Variants in KCNU1 observed in about 807,000 individuals in gnomAD.
KCNU1 encodes potassium channel subfamily U member 1.
Under a neutral mutation model 126.8 loss-of-function variants are expected in KCNU1, and 93 were observed. The observed-to-expected ratio is 0.73, with a 90% CI of 0.62 to 0.87. The LOEUF is 0.87. Among genes scored for constraint, KCNU1 ranks in the 40% least tolerant of loss-of-function variants. The pLI is 0.00. For synonymous variants in KCNU1, 523 were observed against 494.2 expected (o/e 1.06, Z -0.77); for missense variants, 1,330 against 1,367.1 (o/e 0.97, Z 0.43).
intron 22 of KCNU1, among the ~76,000 whole-genome samples, chr8:36,917,376 A>T: frequency 6.8e-6 from 1 of 146,484 alleles, no homozygotes; most frequent in Non-Finnish European, 1.5e-5. Flanking sequence ...TTAAGCTAGG[A>T]TCTCGGTCTG....
Position 36,830,760 on chromosome 8 carries a change from T to A in KCNU1, c.1107-2794T>A, listed in dbSNP as rs555274713. ...AGAGATTTTTTTCTTTTTTTTAATT[T>A]ATTTATTATTATTATACTTTAAGTT... On this transcript the variant is annotated intron_variant, in intron 10 of 26. Transcript: ENST00000399881. 1.6e-4 allele frequency among the ~76,000 whole-genome samples: 24 copies of A among 150,430 alleles called. No homozygotes were observed. In the South Asian group the frequency reaches 4.2e-3, roughly 26 times the overall value.
intron 9 of KCNU1, 66 bp from the exon 10 acceptor site, chr8:36,817,584 C>A: frequency 1.4e-6 from 1 of 724,302 alleles, no homozygotes; most frequent in Non-Finnish European, 2.5e-6. Context: ...TTATTTATCT[C>A]TAAATGCTGA....
intron 10 of KCNU1, among the ~76,000 whole-genome samples, chr8:36,826,409 C>T (rs1260584327): frequency 6.6e-6 from 1 of 151,928 alleles, no homozygotes; most frequent in Non-Finnish European, 1.5e-5. Flanking sequence ...GGGGTTTCAC[C>T]ATGTTGGCCA....
In KCNU1 at chr8:36,918,677, G is replaced by T; in HGVS notation, c.2522-146G>T. 4.8e-6 allele frequency: 3 copies of T among 624,692 alleles called. No individual in the cohort carries two copies. The South Asian group carries it at 5.8e-5, about 12-fold the overall frequency. 38.7% of individuals were successfully genotyped at this position (624,692 alleles called of 1,614,324 possible). On this transcript the variant is annotated intron_variant, in intron 22 of 26. Coordinates refer to ENST00000399881, the MANE Select transcript of KCNU1 (RefSeq NM_001031836.3). ...GAGGAGACCCACATAACAATTTTTT[G>T]TCTAAACATAGTAAAGGATTTGGGA...
At chr8:36,801,302 T>C (rs1185688914) in intron 2 of KCNU1, among the ~76,000 whole-genome samples, 1 of 152,210 alleles carries the variant, frequency 6.6e-6, no homozygotes, top group African/African-American at 2.4e-5. Context: ...ATCTTTCCTC[T>C]CGTTAGTGTC....
At chr8:36,846,181 A>G (rs1412674947) in intron 18 of KCNU1, among the ~76,000 whole-genome samples, 1 of 152,200 alleles carries the variant, frequency 6.6e-6, no homozygotes, top group Non-Finnish European at 1.5e-5. Flanking sequence ...GGCATCACCA[A>G]ACTCAATCCC....
chr8:36,931,392 C>A (rs574743157), intron 25 of KCNU1, among the ~76,000 whole-genome samples: 2 of 152,158 alleles, frequency 1.3e-5, no homozygotes, highest in Non-Finnish European at 2.9e-5. Context: ...TTATCCCCAT[C>A]TTCTAGATAA....
At chr8:36,850,755 C>A (rs1188562277) in intron 18 of KCNU1, among the ~76,000 whole-genome samples, 1 of 152,212 alleles carries the variant, frequency 6.6e-6, no homozygotes, top group African/African-American at 2.4e-5. Flanking sequence ...ATGTGCCCAG[C>A]CTCTATGATC....
At chr8:36,929,640 C>A (rs1405927314) in intron 24 of KCNU1, among the ~76,000 whole-genome samples, 1 of 151,984 alleles carries the variant, frequency 6.6e-6, no homozygotes, top group Admixed American at 6.6e-5. Flanking sequence ...GCTGATGAAC[C>A]AGAGTTTCAG....
In KCNU1 at chr8:36,784,377, T is replaced by A. The variant is rs749538752; in HGVS notation, c.-34T>A. On this transcript the variant is annotated 5_prime_UTR_variant, in exon 1 of 27. The change abolishes an upstream ATG in the 5' untranslated region. Transcript: ENST00000399881. ...ACCAGGCGACCACGGCGTCATCAAA[T>A]GACCTGGCAATTCCGTCTACTGATG... The A allele has an allele frequency of 1.3e-6, 2 of 1,555,322 alleles. No individual in the cohort carries two copies. The highest frequency in any genetic ancestry group is 1.8e-6 in the Non-Finnish European group (2 of 1,138,214).
chr8:36,912,103 G>A (rs1348548649), intron 22 of KCNU1, among the ~76,000 whole-genome samples: 1 of 152,158 alleles, frequency 6.6e-6, no homozygotes, highest in Non-Finnish European at 1.5e-5. Flanking sequence ...ATCAAGATCA[G>A]GTACTCAATC....
At chr8:36,901,166 C>A (rs544223553) in intron 19 of KCNU1, among the ~76,000 whole-genome samples, 2 of 152,120 alleles carry the variant, frequency 1.3e-5, no homozygotes, top group Non-Finnish European at 2.9e-5. Context: ...CTTCAAGAAT[C>A]ATCTGAGTCA....
intron 2 of KCNU1, among the ~76,000 whole-genome samples, 169 bp from the exon 3 acceptor site, chr8:36,803,858 C>T (rs777035737): frequency 7.9e-5 from 12 of 151,812 alleles, no homozygotes; most frequent in Non-Finnish European, 1.5e-4. Flanking sequence ...TCAAGTTGGA[C>T]CTTGAATCGA....
intron 18 of KCNU1, among the ~76,000 whole-genome samples, chr8:36,857,955 C>T (rs1321430342): frequency 6.6e-6 from 1 of 151,860 alleles, no homozygotes; most frequent in African/African-American, 2.4e-5. Context: ...CACAAGTTTT[C>T]TTCATTTGCT....
chr8:36,815,883 T>C (rs2130467348), intron 9 of KCNU1, among the ~76,000 whole-genome samples, 196 bp downstream of exon 9: 1 of 152,312 alleles, frequency 6.6e-6, no homozygotes, highest in East Asian at 1.9e-4. Flanking sequence ...CCCAAACCAC[T>C]ACATAGATGC....
intron 18 of KCNU1, among the ~76,000 whole-genome samples, chr8:36,847,778 T>C (rs1321518190): frequency 6.6e-6 from 1 of 152,244 alleles, no homozygotes; most frequent in Admixed American, 6.5e-5. Context: ...ACAATAAACA[T>C]GGAAGTGCAG....
intron 10 of KCNU1, among the ~76,000 whole-genome samples, chr8:36,830,332 C>A (rs1156759659): frequency 1.3e-5 from 2 of 151,516 alleles, no homozygotes; most frequent in Middle Eastern, 3.2e-3. Flanking sequence ...TTAAAGATAT[C>A]TTTTTTATTT....
intron 19 of KCNU1, among the ~76,000 whole-genome samples, chr8:36,899,447 A>C (rs1807330240): frequency 1.3e-5 from 2 of 152,144 alleles, no homozygotes; most frequent in Non-Finnish European, 1.5e-5. Flanking sequence ...ACATTCTCCT[A>C]CGTAAACTGA....
intron 19 of KCNU1, among the ~76,000 whole-genome samples, chr8:36,881,756 T>A (rs1266467354): frequency 1.3e-5 from 2 of 151,576 alleles, no homozygotes; most frequent in African/African-American, 2.4e-5. Context: ...TAAAAATATT[T>A]TTTCCTGCCT....
Sources: gnomAD v4.1 joint callset for allele counts (sites outside exome capture counted in the v4.1 genomes callset) on GRCh38, gnomAD v4.1.1 for gene constraint, MANE v1.5 for transcripts, NCBI Gene and HGNC (gene_info 2026-07-23, HGNC 2026-07-21) for gene names.